MYO9A: variants seen among roughly 807,000 people sequenced by gnomAD.
The protein encoded by MYO9A is unconventional myosin-IXa.
A neutral mutation model predicts 293.3 loss-of-function variants in MYO9A; 103 were observed. That is an observed-to-expected ratio of 0.35 (90% CI 0.30 to 0.41). The LOEUF is 0.41. MYO9A is among the 10% of genes least tolerant of loss of function. The pLI is 1.00. For synonymous variants in MYO9A, 1,001 were observed against 1,035.7 expected (o/e 0.97, Z 0.64); for missense variants, 2,685 against 3,033.0 (o/e 0.89, Z 2.69).
chr15:71,906,461 T>G (rs181126956), intron 19 of MYO9A, among the ~76,000 whole-genome samples: 2 of 152,118 alleles, frequency 1.3e-5, no homozygotes, highest in Non-Finnish European at 2.9e-5. Context: ...ATTCTATCAG[T>G]TTTTGGTTCA....
chr15:72,003,904 T>C (rs1248453619), intron 8 of MYO9A, among the ~76,000 whole-genome samples: 1 of 152,134 alleles, frequency 6.6e-6, no homozygotes, highest in African/African-American at 2.4e-5. Flanking sequence ...AGGAACATAT[T>C]ATTCTCTGCT....
intron 18 of MYO9A, among the ~76,000 whole-genome samples, chr15:71,929,440 G>A (rs1045754911): frequency 1.3e-5 from 2 of 152,018 alleles, no homozygotes; most frequent in African/African-American, 2.4e-5. Flanking sequence ...GTCACATATC[G>A]CCTAATTATA....
intron 25 of MYO9A, among the ~76,000 whole-genome samples, chr15:71,894,161 A>G (rs948865754): frequency 1.3e-5 from 2 of 152,190 alleles, no homozygotes; most frequent in African/African-American, 4.8e-5. Flanking sequence ...AAAATACCTG[A>G]AAAATAGCCA....
chr15:72,081,533 CAGA>C (rs1388112667), intron 1 of MYO9A, among the ~76,000 whole-genome samples: 2 of 152,054 alleles, frequency 1.3e-5, no homozygotes, highest in African/African-American at 4.8e-5. Context: ...TTTTGCTGTG[CAGA>C]AGCTCTTTAG....
intron 3 of MYO9A, among the ~76,000 whole-genome samples, chr15:72,031,736 T>C (rs573389594): frequency 7.1e-6 from 1 of 141,170 alleles, no homozygotes; most frequent in Non-Finnish European, 1.6e-5. Flanking sequence ...ATAGTCTATT[T>C]AAAAAAAAAA....
At chr15:71,929,981 AT>A (rs1020072656) in intron 18 of MYO9A, among the ~76,000 whole-genome samples, 2 of 152,122 alleles carry the variant, frequency 1.3e-5, no homozygotes, top group African/African-American at 4.8e-5. Context: ...CTCCAGTTCA[AT>A]TTTTTGAAAG....
intron 14 of MYO9A, 53 bp downstream of exon 14, chr15:71,959,848 T>TAAAA (rs5813671): frequency 9.7e-5 from 112 of 1,148,902 alleles, no homozygotes; most frequent in Middle Eastern, 2.2e-4. Flanking sequence ...AGTAGAAAGG[T>TAAAA]AAAAAAAAAA....
chr15:71,955,548 T>C (rs2059157543), intron 14 of MYO9A, among the ~76,000 whole-genome samples: 1 of 152,218 alleles, frequency 6.6e-6, no homozygotes, highest in Non-Finnish European at 1.5e-5. Flanking sequence ...TTCTTTTCAT[T>C]GCTGAGTAAT....
Position 71,999,783 on chromosome 15 carries a change from C to T in MYO9A, c.1470+68G>A. 2.3e-6 allele frequency: 3 copies of T among 1,310,610 alleles called. No homozygotes were observed. In the South Asian group the frequency reaches 4.3e-5, roughly 19 times the overall value. 81.2% of individuals were successfully genotyped at this position (1,310,610 alleles called of 1,614,324 possible). A position where few individuals can be genotyped will look rare whatever the true frequency, so the allele number is the denominator to read the frequency against. On this transcript the variant is annotated intron_variant, in intron 9 of 41. Coordinates refer to ENST00000356056, the MANE Select transcript of MYO9A (RefSeq NM_006901.4). ...TCATTTTCATGCTGTTAAGAGAAAA[C>T]CCAAACTTCAAACCTAAACTTCTAA...
chr15:71,987,160 G>GGTGT (rs2076427765), intron 11 of MYO9A, among the ~76,000 whole-genome samples: 1 of 152,112 alleles, frequency 6.6e-6, no homozygotes, highest in Admixed American at 6.5e-5. Flanking sequence ...ATATAGCCTA[G>GGTGT]GTGTGTAGGA....
intron 1 of MYO9A, among the ~76,000 whole-genome samples, chr15:72,083,995 G>A (rs529597818): frequency 6.6e-6 from 1 of 152,330 alleles, no homozygotes; most frequent in African/African-American, 2.4e-5. Context: ...GAGTTCTGTA[G>A]ATGTCTATTA....
intron 1 of MYO9A, among the ~76,000 whole-genome samples, chr15:72,098,623 T>C (rs2080145149): frequency 6.6e-6 from 1 of 152,158 alleles, no homozygotes; most frequent in East Asian, 1.9e-4. Flanking sequence ...GAGCTATCTA[T>C]TCAGAAGATA....
intron 15 of MYO9A, among the ~76,000 whole-genome samples, chr15:71,944,906 T>C (rs1357225421): frequency 6.6e-5 from 10 of 152,218 alleles, no homozygotes; most frequent in Admixed American, 2.6e-4. Flanking sequence ...ATTCAATCTA[T>C]AGATCAATCT....
intron 39 of MYO9A, among the ~76,000 whole-genome samples, chr15:71,836,148 T>A (rs2054931124): frequency 3.3e-5 from 5 of 151,824 alleles, no homozygotes; most frequent in Admixed American, 3.3e-4. Context: ...GATTTGTATC[T>A]GGAATTCATA....
At position 71,880,485 on chromosome 15, in the gene MYO9A, C is replaced by G. The variant is rs1214546603; in HGVS notation, c.5472G>C (p.Glu1824Asp). The change falls in exon 29 of 42, where the codon GAG becomes GAC. Residue 1824 changes from glutamate to aspartate, a missense_variant. This residue lies in a region of MYO9A where 1,434 missense variants were observed against 1,497.7 expected (regional missense o/e 0.96). Coordinates refer to ENST00000356056, the MANE Select transcript of MYO9A (RefSeq NM_006901.4). ...LPGSCRKEFK[E>D]NKEPSPKAKR... ...TAGCCTTTGGAGAAGGTTCTTTGTT[C>G]TCTTTGAATTCCTTCCGGCAACTGC... is the stretch of plus-strand genomic sequence containing the variant. 1.9e-6 allele frequency: 3 copies of G among 1,614,228 alleles called. No homozygotes were observed. Among genetic ancestry groups the G allele is most frequent in the Middle Eastern group, 3.3e-4 (2 of 6,062 alleles).
intron 16 of MYO9A, among the ~76,000 whole-genome samples, chr15:71,935,954 ACTAAGTC>A (rs2058631999): frequency 1.3e-5 from 2 of 151,548 alleles, no homozygotes. Flanking sequence ...CACCCATTAA[ACTAAGTC>A]CTATGAGACT....
rs1402878989 is a variant in MYO9A, at chr15:71,897,445, T to C, written c.5042+16A>G. ...AAGAAGTTTCCCATTTATACATAAATAAACATTTCACTTACAGGGGAATAC... is the reference window on the plus strand; with the variant it reads ...AAGAAGTTTCCCATTTATACATAAACAAACATTTCACTTACAGGGGAATAC... On this transcript the variant is annotated intron_variant, in intron 25 of 41. Coordinates refer to ENST00000356056, the MANE Select transcript of MYO9A (RefSeq NM_006901.4). 4 of 1,577,152 alleles carry C rather than the reference T, an allele frequency of 2.5e-6. No homozygotes were observed. Among genetic ancestry groups the C allele is most frequent in the South Asian group, 2.3e-5 (2 of 85,762 alleles).
At chr15:72,070,083 A>G (rs1567006715) in intron 1 of MYO9A, among the ~76,000 whole-genome samples, 1 of 141,918 alleles carries the variant, frequency 7.0e-6, no homozygotes, top group Admixed American at 7.3e-5. Context: ...GAGCCGAGAT[A>G]TCTCCACTGC....
intron 27 of MYO9A, among the ~76,000 whole-genome samples, chr15:71,885,187 C>A (rs1342273696): frequency 6.6e-6 from 1 of 151,992 alleles, no homozygotes; most frequent in Non-Finnish European, 1.5e-5. Context: ...AATGATTAGG[C>A]ATGTTCCACC....
Sources: gnomAD v4.1 joint callset for allele counts (sites outside exome capture counted in the v4.1 genomes callset) on GRCh38, gnomAD v4.1.1 for gene constraint, gnomAD v4.1.1 regional missense constraint, MANE v1.5 for transcripts, NCBI Gene and HGNC (gene_info 2026-07-23, HGNC 2026-07-21) for gene names.